Variants in MAGI1 observed in about 807,000 individuals in gnomAD.
MAGI1 encodes the protein membrane-associated guanylate kinase, WW and PDZ domain-containing protein 1.
A neutral mutation model predicts 139.9 loss-of-function variants in MAGI1; 58 were observed. The observed-to-expected ratio is 0.41, with a 90% CI of 0.34 to 0.52. The LOEUF (loss-of-function observed/expected upper bound fraction) is 0.52, where lower values mean the gene tolerates loss of function less well. MAGI1 is among the 20% of genes least tolerant of loss of function. The pLI is 0.12. For missense variants in MAGI1, 1,874 were observed against 1,901.6 expected (o/e 0.99, Z 0.27); for synonymous variants, 812 against 737.9 (o/e 1.10, Z -1.63).
rs1263200615 is a variant in MAGI1 at position 65,686,369 on chromosome 3, G to GC, written c.314-64282dup. The stretch of plus-strand genomic sequence containing the variant: ...TGCAGTGGCACGATCTCGGCTCACT[G>GC]CAACTTCCGCCTCCTGGATTCAAGC... On this transcript the variant is annotated intron_variant, in intron 1 of 22. Coordinates refer to ENST00000402939, the MANE Select transcript of MAGI1 (RefSeq NM_001033057.2). Among the ~76,000 whole-genome samples the GC allele has an allele frequency of 1.6e-4, 24 of 152,274 alleles. 1 individual carries two copies. The highest frequency in any genetic ancestry group is 3.4e-3 in the Middle Eastern group (1 of 294).
intron 1 of MAGI1, among the ~76,000 whole-genome samples, chr3:65,967,322 T>G (rs961458872): frequency 2.6e-5 from 4 of 152,120 alleles, no homozygotes; most frequent in Non-Finnish European, 5.9e-5. Context: ...TGTTTAAAAT[T>G]TTTCATAAGA....
At chr3:65,498,663 A>G (rs1282653143) in intron 2 of MAGI1, among the ~76,000 whole-genome samples, 3 of 152,194 alleles carry the variant, frequency 2.0e-5, no homozygotes, top group Admixed American at 1.3e-4. Flanking sequence ...GGGCAGAGCC[A>G]TGGTCTGTCT....
At chr3:65,814,887 G>A (rs923522092) in intron 1 of MAGI1, among the ~76,000 whole-genome samples, 1 of 152,014 alleles carries the variant, frequency 6.6e-6, no homozygotes, top group Non-Finnish European at 1.5e-5. Context: ...ATTTTAATAG[G>A]CAGCTTATGA....
intron 1 of MAGI1, among the ~76,000 whole-genome samples, chr3:65,807,025 G>A (rs1032839623): frequency 6.6e-6 from 1 of 152,186 alleles, no homozygotes; most frequent in Non-Finnish European, 1.5e-5. Flanking sequence ...GCTATGCCAA[G>A]TACTTTATAT....
chr3:65,622,085 C>G lies in MAGI1; in HGVS notation c.317G>C (p.Gly106Ala), dbSNP rs143048518. The part of the protein sequence containing the change: ...AVTFKAVRQG[G>A]RLNKDLRHFL... ...ATGTCGCAGGTCCTTGTTCAGCCTT[C>G]CTCCTGCAGGAAATACATAAAATAG... The change falls in exon 2 of 23, where the codon GGA becomes GCA. Residue 106 changes from glycine to alanine, a missense_variant. Physicochemically the swap from Gly to Ala is moderately conservative, Grantham distance 60 (BLOSUM62 0). Coordinates refer to ENST00000402939, the MANE Select transcript of MAGI1 (RefSeq NM_001033057.2). 6.2e-7 allele frequency: 1 copy of G among 1,608,304 alleles called. No homozygotes were observed.
intron 2 of MAGI1, among the ~76,000 whole-genome samples, chr3:65,551,334 A>T (rs910369393): frequency 5.3e-5 from 8 of 152,112 alleles, no homozygotes; most frequent in Admixed American, 6.5e-5. Context: ...GGAGTCTCAC[A>T]CGGTCACCCA....
chr3:65,977,657 G>T (rs1220174920), intron 1 of MAGI1, among the ~76,000 whole-genome samples: 1 of 150,440 alleles, frequency 6.6e-6, no homozygotes, highest in African/African-American at 2.5e-5. Context: ...GTTGCAGTGA[G>T]CCGAGATCAC....
intron 2 of MAGI1, among the ~76,000 whole-genome samples, chr3:65,576,359 G>A (rs2081176733): frequency 6.6e-6 from 1 of 152,150 alleles, no homozygotes; most frequent in Admixed American, 6.5e-5. Context: ...ACATTAGCAT[G>A]AAATTAGTGG....
chr3:65,631,619 C>T (rs937913611), intron 1 of MAGI1, among the ~76,000 whole-genome samples: 7 of 152,170 alleles, frequency 4.6e-5, no homozygotes, highest in Non-Finnish European at 8.8e-5. Context: ...GATACAAATT[C>T]CCTCCAGAAA....
At chr3:66,004,672 A>G (rs2107464705) in intron 1 of MAGI1, among the ~76,000 whole-genome samples, 1 of 152,286 alleles carries the variant, frequency 6.6e-6, no homozygotes, top group African/African-American at 2.4e-5. Flanking sequence ...CATGGGAGCT[A>G]TTTTTTGCCA....
intron 1 of MAGI1, among the ~76,000 whole-genome samples, chr3:65,827,061 A>C (rs2108278322): frequency 6.6e-6 from 1 of 152,312 alleles, no homozygotes; most frequent in Admixed American, 6.5e-5. Flanking sequence ...CTTGGGGTTC[A>C]CTTTCTATAA....
intron 22 of MAGI1, chr3:65,359,852 G>A (rs976606033): frequency 2.2e-5 from 22 of 985,370 alleles, no homozygotes; most frequent in Middle Eastern, 5.2e-4. Context: ...GGTTACTGAC[G>A]ATGACTCTCA....
intron 1 of MAGI1, among the ~76,000 whole-genome samples, chr3:65,979,458 C>G (rs995685648): frequency 6.6e-6 from 1 of 152,188 alleles, no homozygotes; most frequent in Non-Finnish European, 1.5e-5. Context: ...TTCAAAGCAA[C>G]GTAGCCCAGC....
intron 1 of MAGI1, among the ~76,000 whole-genome samples, chr3:65,786,044 C>G (rs968960587): frequency 6.6e-6 from 1 of 151,790 alleles, no homozygotes; most frequent in Non-Finnish European, 1.5e-5. Context: ...CAACCTCTGC[C>G]TCCTGGATTC....
chr3:65,999,233 G>A (rs913443725), intron 1 of MAGI1, among the ~76,000 whole-genome samples: 12 of 151,982 alleles, frequency 7.9e-5, no homozygotes, highest in East Asian at 3.9e-4. Context: ...GCACAACCCC[G>A]CACTCCCTGA....
chr3:65,711,765 C>T (rs776397562), intron 1 of MAGI1, among the ~76,000 whole-genome samples: 4 of 152,158 alleles, frequency 2.6e-5, no homozygotes, highest in Non-Finnish European at 5.9e-5. Context: ...AGCCAAGGAG[C>T]AAGGTCTCAG....
intron 5 of MAGI1, among the ~76,000 whole-genome samples, chr3:65,461,083 C>A (rs1364305608): frequency 2.6e-5 from 4 of 152,214 alleles, no homozygotes; most frequent in South Asian, 2.1e-4. Flanking sequence ...ATTGCTGGGT[C>A]AAATGGTATT....
intron 1 of MAGI1, among the ~76,000 whole-genome samples, chr3:65,891,885 A>AATAT (rs55826911): frequency 8.0e-5 from 3 of 37,552 alleles, no homozygotes; most frequent in Admixed American, 4.2e-4. Flanking sequence ...CTTAAAGTAT[A>AATAT]ATATATATAT....
intron 1 of MAGI1, among the ~76,000 whole-genome samples, chr3:65,948,468 A>G (rs1415109996): frequency 1.3e-5 from 2 of 152,184 alleles, no homozygotes; most frequent in East Asian, 3.9e-4. Flanking sequence ...CTAAAACCCA[A>G]ATGGTTCAAG....
Sources: gnomAD v4.1 joint callset for allele counts (sites outside exome capture counted in the v4.1 genomes callset) on GRCh38, gnomAD v4.1.1 for gene constraint, MANE v1.5 for transcripts, NCBI Gene and HGNC (gene_info 2026-07-23, HGNC 2026-07-21) for gene names.